The following FNDC3B variants were observed in gnomAD, a reference collection of about 807,000 sequenced individuals.
The protein encoded by FNDC3B is fibronectin type III domain containing 3B.
Under a neutral mutation model 151.5 loss-of-function variants are expected in FNDC3B, and 12 were observed. The ratio of observed to expected loss-of-function variants is 0.08; its 90% CI spans 0.05 to 0.13. FNDC3B has a LOEUF of 0.13. Among genes scored for constraint, FNDC3B ranks in the 10% least tolerant of loss-of-function variants. The pLI, the probability that FNDC3B is intolerant of heterozygous loss-of-function variation, is 1.00. For synonymous variants in FNDC3B, 528 were observed against 549.0 expected (o/e 0.96, Z 0.54); for missense variants, 1,214 against 1,505.3 (o/e 0.81, Z 3.20).
chr3:172,107,539 C>T (rs1453034741), intron 1 of FNDC3B, among the ~76,000 whole-genome samples: 8 of 152,080 alleles, frequency 5.3e-5, no homozygotes, highest in Non-Finnish European at 1.5e-5. Context: ...ATTTGGCCAG[C>T]TCAGATACAC....
intron 21 of FNDC3B, among the ~76,000 whole-genome samples, chr3:172,351,435 G>C (rs893925086): frequency 6.6e-5 from 10 of 152,204 alleles, no homozygotes; most frequent in Non-Finnish European, 1.5e-4. Flanking sequence ...GAGAGTAGCA[G>C]GCAATGAAGT....
intron 6 of FNDC3B, among the ~76,000 whole-genome samples, chr3:172,282,333 T>TC (rs147850798): frequency 0.061 from 9,239 of 152,220 alleles, 353 homozygotes; most frequent in Non-Finnish European, 0.075. Flanking sequence ...CTCTCTTTTT[T>TC]CCCATATTTA....
intron 3 of FNDC3B, among the ~76,000 whole-genome samples, chr3:172,179,090 C>G (rs965060362): frequency 2.0e-5 from 3 of 152,130 alleles, no homozygotes; most frequent in Non-Finnish European, 4.4e-5. Flanking sequence ...GGGACAGAGT[C>G]TTGCTTTATT....
chr3:172,361,412 C>T (rs543518218), intron 22 of FNDC3B, among the ~76,000 whole-genome samples: 1 of 152,320 alleles, frequency 6.6e-6, no homozygotes, highest in Admixed American at 6.5e-5. Context: ...GAACACTTTA[C>T]TCTTAGAAAT....
chr3:172,149,833 T>TATAAA, intron 3 of FNDC3B, among the ~76,000 whole-genome samples: 1 of 110,572 alleles, frequency 9.0e-6, no homozygotes. Flanking sequence ...TTTTTTTTTT[T>TATAAA]TTTGAGACAG....
chr3:172,354,983 C>G (rs1734023165), intron 22 of FNDC3B, among the ~76,000 whole-genome samples: 1 of 150,944 alleles, frequency 6.6e-6, no homozygotes, highest in Non-Finnish European at 1.5e-5. Context: ...TGTACTAATG[C>G]AAAAAAGCTT....
chr3:172,372,994 G>T (rs1282523506), intron 23 of FNDC3B, among the ~76,000 whole-genome samples: 6 of 152,170 alleles, frequency 3.9e-5, no homozygotes, highest in Admixed American at 3.9e-4. Flanking sequence ...CTGGGTCCAA[G>T]TCCCTGTGCT....
rs2108841004 is a variant in FNDC3B, at chr3:172,295,599, T to C, written c.1001+85T>C. On this transcript the variant is annotated intron_variant, in intron 8 of 25. Coordinates refer to ENST00000415807, the MANE Select transcript of FNDC3B (RefSeq NM_022763.4). ...GAAAATGGAAAACAAAGGAAAACCT[T>C]ATAGGCTTGGCAAATTTTCCTTTAG... 6 of 1,356,932 alleles carry C rather than the reference T, an allele frequency of 4.4e-6. No individual in the cohort carries two copies. The East Asian group carries it at 6.9e-5, about 16-fold the overall frequency. 84.1% of individuals were successfully genotyped at this position (1,356,932 alleles called of 1,614,324 possible).
At chr3:172,358,378 G>A (rs1267804270) in intron 22 of FNDC3B, among the ~76,000 whole-genome samples, 6 of 152,198 alleles carry the variant, frequency 3.9e-5, no homozygotes, top group African/African-American at 7.2e-5. Context: ...TGCATTTTCT[G>A]GAACAGAGCA....
At chr3:172,182,918 T>A (rs1206245335) in intron 3 of FNDC3B, among the ~76,000 whole-genome samples, 2 of 152,194 alleles carry the variant, frequency 1.3e-5, no homozygotes, top group East Asian at 3.9e-4. Flanking sequence ...AACTTCACCT[T>A]TTTGCCACAC....
chr3:172,220,927 TA>T (rs34661514), intron 3 of FNDC3B, among the ~76,000 whole-genome samples: 116,367 of 151,808 alleles, frequency 0.77, 44,826 homozygotes, highest in African/African-American at 0.82. Flanking sequence ...CTGGCTCTAT[TA>T]AAAAAAAATA....
intron 3 of FNDC3B, among the ~76,000 whole-genome samples, chr3:172,159,809 G>C (rs1255742919): frequency 6.6e-6 from 1 of 152,180 alleles, no homozygotes; most frequent in African/African-American, 2.4e-5. Context: ...TTAGCCACTC[G>C]TTTGTGTATT....
At chr3:172,393,455 C>A (rs1245319258) in intron 25 of FNDC3B, among the ~76,000 whole-genome samples, 1 of 152,182 alleles carries the variant, frequency 6.6e-6, no homozygotes, top group Non-Finnish European at 1.5e-5. Context: ...ATAATCCAGA[C>A]AGAAAATTAA....
chr3:172,068,467 A>G (rs1169613951), intron 1 of FNDC3B, among the ~76,000 whole-genome samples: 3 of 119,216 alleles, frequency 2.5e-5, no homozygotes, highest in African/African-American at 9.6e-5. Flanking sequence ...TCTGTCTCCC[A>G]GGCTGGAGTG....
At chr3:172,109,240 C>A (rs949452815) in intron 1 of FNDC3B, among the ~76,000 whole-genome samples, 21 of 150,298 alleles carry the variant, frequency 1.4e-4, no homozygotes, top group African/African-American at 3.9e-4. Flanking sequence ...ATCTCGGCTC[C>A]CTGCAAGCTC....
intron 3 of FNDC3B, among the ~76,000 whole-genome samples, chr3:172,150,837 G>A (rs539536202): frequency 2.6e-5 from 4 of 152,218 alleles, no homozygotes; most frequent in African/African-American, 7.2e-5. Context: ...AGAATGGGGT[G>A]TCCATCCGCT....
Position 172,189,799 on chromosome 3 carries a change from TAAAAAAAA to T in FNDC3B, c.188-37046_188-37039del, listed in dbSNP as rs60894339. On this transcript the variant is annotated intron_variant, in intron 3 of 25. Transcript: ENST00000415807. The stretch of plus-strand genomic sequence containing the variant: ...CTGGGTGACAGAGTGAGACCTTGTC[TAAAAAAAA>T]AAAAAAAAAAAAAAAAAAAAAAAAA... Among the ~76,000 whole-genome samples, 502 of 84,298 alleles carry T rather than the reference TAAAAAAAA, an allele frequency of 6.0e-3. 14 individuals carry two copies. Among genetic ancestry groups the T allele is most frequent in the African/African-American group, 0.02 (410 of 20,704 alleles). 55.3% of individuals were successfully genotyped at this position (84,298 alleles called of 152,430 possible).
At chr3:172,177,679 CTTTTTCT>C (rs1436538194) in intron 3 of FNDC3B, among the ~76,000 whole-genome samples, 1 of 84,532 alleles carries the variant, frequency 1.2e-5, no homozygotes, top group Non-Finnish European at 2.3e-5. Flanking sequence ...TAGAAAGGAA[CTTTTTCT>C]TTTCTTTTAT....
intron 3 of FNDC3B, among the ~76,000 whole-genome samples, chr3:172,190,658 TTTTTGTTTTG>T (rs138846991): frequency 5.9e-5 from 9 of 152,068 alleles, no homozygotes; most frequent in African/African-American, 2.2e-4. Flanking sequence ...ATTGTGTCTT[TTTTTGTTTTG>T]TTTTGTTTTG....
Sources: allele counts gnomAD v4.1 joint callset (sites outside exome capture counted in the v4.1 genomes callset), GRCh38; gene constraint gnomAD v4.1.1; transcripts MANE v1.5; gene names NCBI Gene and HGNC (gene_info 2026-07-23, HGNC 2026-07-21).